Variants in SLC47A2 observed in about 807,000 individuals in gnomAD.
SLC47A2 encodes solute carrier family 47 member 2, also known as multidrug and toxin extrusion protein 2.
Under a neutral mutation model 67.7 loss-of-function variants are expected in SLC47A2, and 52 were observed. The ratio of observed to expected loss-of-function variants is 0.77; its 90% CI spans 0.61 to 0.97. The LOEUF (loss-of-function observed/expected upper bound fraction) is 0.97. Ranked by LOEUF, SLC47A2 falls within the 50% of genes least tolerant of loss-of-function variation. The pLI, the probability that SLC47A2 is intolerant of heterozygous loss-of-function variation, is 0.00. For missense variants in SLC47A2, 676 were observed against 712.3 expected (o/e 0.95, Z 0.58); for synonymous variants, 278 against 292.9 (o/e 0.95, Z 0.52).
chr17:19,695,515 C>CAAAAAAAAAAAAAAAAAAAAAA (rs201305334), intron 13 of SLC47A2, among the ~76,000 whole-genome samples: 1 of 91,406 alleles, frequency 1.1e-5, no homozygotes, highest in Non-Finnish European at 2.3e-5. Flanking sequence ...AAAAAAACAG[C>CAAAAAAAAAAAAAAAAAAAAAA]AAAAAAAAAA....
At chr17:19,704,761 G>A in intron 10 of SLC47A2, 1 of 1,413,662 alleles carries the variant, frequency 7.1e-7, no homozygotes, top group Non-Finnish European at 9.7e-7. Flanking sequence ...TGGGGACGCT[G>A]TCACCCAGCT....
In SLC47A2 at chr17:19,683,322, C is replaced by G. The variant is rs78713688; in HGVS notation, c.1165-1652G>C. Among the ~76,000 whole-genome samples, 1,033 of 152,254 alleles carry G rather than the reference C, an allele frequency of 6.8e-3. 4 individuals carry two copies. Among genetic ancestry groups the G allele is most frequent in the East Asian group, 0.026 (135 of 5,188 alleles). On this transcript the variant is annotated intron_variant, in intron 13 of 16. Coordinates refer to ENST00000433844, the MANE Select transcript of SLC47A2 (RefSeq NM_001099646.3). ...CAATGCCCAGGGGACCGCCCTCCCC[C>G]CACCAAACAAAGAGTTATCTGGTCT...
At chr17:19,714,391 A>G (rs1215845317) in intron 3 of SLC47A2, 1 of 470,444 alleles carries the variant, frequency 2.1e-6, no homozygotes, top group African/African-American at 1.9e-5. Flanking sequence ...TTGGCCTTCG[A>G]CACATGCCTG....
intron 4 of SLC47A2, 43 bp from the exon 5 acceptor site, chr17:19,712,788 C>G (rs545088224): frequency 2.5e-6 from 4 of 1,600,158 alleles, no homozygotes; most frequent in East Asian, 2.2e-5. Context: ...AGGCTGTGGC[C>G]CGGGGAGGCA....
At chr17:19,680,186 A>G in intron 15 of SLC47A2, 147 bp from the exon 16 acceptor site, 2 of 782,200 alleles carry the variant, frequency 2.6e-6, no homozygotes. Context: ...TTTAGAAAGT[A>G]TCATTTTAAG....
At chr17:19,705,704 T>A (rs940081484) in intron 9 of SLC47A2, among the ~76,000 whole-genome samples, 2 of 151,676 alleles carry the variant, frequency 1.3e-5, no homozygotes, top group African/African-American at 4.8e-5. Context: ...GCTTAGGTGA[T>A]CCTCCCACCT....
chr17:19,710,642 G>A (rs879478984), intron 5 of SLC47A2, among the ~76,000 whole-genome samples: 1 of 151,812 alleles, frequency 6.6e-6, no homozygotes, highest in Admixed American at 6.6e-5. Flanking sequence ...TAGTAGAGAC[G>A]GGGTTTCACC....
chr17:19,707,514 G>T (rs1237573919), intron 8 of SLC47A2, among the ~76,000 whole-genome samples: 1 of 152,176 alleles, frequency 6.6e-6, no homozygotes, highest in Non-Finnish European at 1.5e-5. Context: ...AAGCTCCCTG[G>T]GCCAGGCTTC....
chr17:19,689,067 G>A (rs2152342168), intron 13 of SLC47A2, among the ~76,000 whole-genome samples: 1 of 151,600 alleles, frequency 6.6e-6, no homozygotes, highest in Admixed American at 6.6e-5. Flanking sequence ...CACCATTCCT[G>A]GCTAACTTAA....
chr17:19,690,757 C>A (rs2085522610), intron 13 of SLC47A2, among the ~76,000 whole-genome samples: 1 of 152,150 alleles, frequency 6.6e-6, no homozygotes, highest in African/African-American at 2.4e-5. Flanking sequence ...TATCATCTCA[C>A]CCCAGTTAAA....
chr17:19,683,685 T>G (rs894007139), intron 13 of SLC47A2, among the ~76,000 whole-genome samples: 1 of 152,032 alleles, frequency 6.6e-6, no homozygotes, highest in African/African-American at 2.4e-5. Context: ...CAGAAGAAAG[T>G]AAAAGCCAGG....
intron 3 of SLC47A2, chr17:19,714,301 CTTTGTGACCCCA>C: frequency 2.6e-6 from 1 of 386,192 alleles, no homozygotes; most frequent in South Asian, 4.3e-5. Flanking sequence ...GGCCTTGCCG[CTTTGTGACCCCA>C]TGGCCACCTG....
chr17:19,702,606 CA>C lies in SLC47A2; in HGVS notation c.1162del (p.Cys388ValfsTer8). The C allele has an allele frequency of 6.2e-7, 1 of 1,613,870 alleles. No individual in the cohort carries two copies. The highest frequency in any genetic ancestry group is 2.2e-5 in the East Asian group (1 of 44,876). Reference sequence around the variant, plus strand: ...GCTTTGGATCAAAGTGGTACTTACACAGATGGCCTCAAACACGTGAAAGACA... The same window carrying C: ...GCTTTGGATCAAAGTGGTACTTACACGATGGCCTCAAACACGTGAAAGACA... The part of the protein sequence containing the change: ...YSVFHVFEAI[C>X]CVYGGVLRGT... On this transcript the variant is annotated frameshift_variant and splice_region_variant, in exon 13 of 17. Coordinates refer to ENST00000433844, the MANE Select transcript of SLC47A2 (RefSeq NM_001099646.3). LOFTEE classifies it high-confidence loss of function.
chr17:19,701,352 A>G (rs1255454931), intron 13 of SLC47A2, among the ~76,000 whole-genome samples: 1 of 152,170 alleles, frequency 6.6e-6, no homozygotes, highest in East Asian at 1.9e-4. Context: ...ATGCCCGGCT[A>G]TATTCAAAAA....
intron 5 of SLC47A2, among the ~76,000 whole-genome samples, chr17:19,709,335 T>C (rs548193358): frequency 1.3e-5 from 2 of 152,310 alleles, no homozygotes; most frequent in East Asian, 3.9e-4. Context: ...GGGGGCACTG[T>C]ACCTACCCTT....
Position 19,688,565 on chromosome 17 carries a change from G to A in SLC47A2, c.1165-6895C>T, listed in dbSNP as rs557219304. On this transcript the variant is annotated intron_variant, in intron 13 of 16. Transcript: ENST00000433844. ...TTGAAAAGGAAATCAAATTATCCTT[G>A]TTCGCAGGTGATATCATCTTTTTTG... is the stretch of plus-strand genomic sequence containing the variant. Among the ~76,000 whole-genome samples, 7 of 152,250 alleles carry A rather than the reference G, an allele frequency of 4.6e-5. No individual in the cohort carries two copies. In the East Asian group the frequency reaches 1.2e-3, roughly 25 times the overall value.
intron 13 of SLC47A2, among the ~76,000 whole-genome samples, chr17:19,693,310 G>A (rs2085584826): frequency 6.6e-6 from 1 of 152,040 alleles, no homozygotes; most frequent in South Asian, 2.1e-4. Context: ...CCAATTATGA[G>A]ATATCTCAAC....
rs911800230 is a variant in SLC47A2 at position 19,705,279 on chromosome 17, G to A, written c.909+157C>T. 16 of 645,732 alleles carry A rather than the reference G, an allele frequency of 2.5e-5. 1 individual carries two copies. The highest frequency in any genetic ancestry group is 9.3e-5 in the East Asian group (3 of 32,192). 40.0% of individuals were successfully genotyped at this position (645,732 alleles called of 1,614,324 possible). The stretch of plus-strand genomic sequence containing the variant: ...TGGGCACCTGTGTGTGAGTCCTGGC[G>A]TAAGCTGAGCAGGGTCTGGACCTGG... On this transcript the variant is annotated intron_variant, in intron 10 of 16. Coordinates refer to ENST00000433844, the MANE Select transcript of SLC47A2 (RefSeq NM_001099646.3).
rs753894826 is a variant in SLC47A2, at chr17:19,707,850, A to G, written c.630-7T>C. 1 of 1,581,940 alleles carries G rather than the reference A, an allele frequency of 6.3e-7. No homozygotes were observed. Among genetic ancestry groups the G allele is most frequent in the Admixed American group, 1.8e-5 (1 of 55,240 alleles). ...GTTGGCATAGGCGGAGCCCCTGGGTAAGGAGGGAGAACAGGGCTGCGACTG... is the reference window on the plus strand; with the variant it reads ...GTTGGCATAGGCGGAGCCCCTGGGTGAGGAGGGAGAACAGGGCTGCGACTG... On this transcript the variant is annotated splice_region_variant and splice_polypyrimidine_tract_variant and intron_variant, in intron 7 of 16. Coordinates refer to ENST00000433844, the MANE Select transcript of SLC47A2 (RefSeq NM_001099646.3).
Sources: allele counts gnomAD v4.1 joint callset (sites outside exome capture counted in the v4.1 genomes callset), GRCh38; gene constraint gnomAD v4.1.1; transcripts MANE v1.5; gene names NCBI Gene and HGNC (gene_info 2026-07-23, HGNC 2026-07-21).